The following SFMBT1 variants were observed in gnomAD, a reference collection of about 807,000 sequenced individuals.
SFMBT1 encodes the protein scm-like with four MBT domains protein 1.
In SFMBT1, 32 loss-of-function variants were observed where a neutral mutation model predicts 108.7. The observed-to-expected ratio is 0.29, with a 90% CI of 0.22 to 0.40. The LOEUF (loss-of-function observed/expected upper bound fraction) is 0.40, where lower values mean the gene tolerates loss of function less well. SFMBT1 is among the 10% of genes least tolerant of loss of function. The pLI is 1.00. For missense variants in SFMBT1, 816 were observed against 1,059.6 expected, an observed-to-expected ratio of 0.77 and a Z score of 3.19; for synonymous variants, 348 against 369.5, an observed-to-expected ratio of 0.94 and a Z score of 0.67.
chr3:53,023,136 T>C (rs1699371162), intron 1 of SFMBT1, among the ~76,000 whole-genome samples: 1 of 152,184 alleles, frequency 6.6e-6, no homozygotes, highest in African/African-American at 2.4e-5. Flanking sequence ...GACCTTTAAA[T>C]GACAGCAGGG....
At chr3:52,948,973 T>G (rs1268898601) in intron 3 of SFMBT1, among the ~76,000 whole-genome samples, 1 of 151,708 alleles carries the variant, frequency 6.6e-6, no homozygotes, top group Non-Finnish European at 1.5e-5. Flanking sequence ...TCCTTGCAAT[T>G]TTTTTTACAT....
intron 1 of SFMBT1, among the ~76,000 whole-genome samples, chr3:52,974,833 T>TAAAAAA (rs10646648): frequency 6.6e-5 from 6 of 90,712 alleles, no homozygotes; most frequent in African/African-American, 1.6e-4. Flanking sequence ...CTATAAAAAG[T>TAAAAAA]AAAAAAAAAA....
At chr3:53,017,146 C>A (rs1175833203) in intron 1 of SFMBT1, among the ~76,000 whole-genome samples, 2 of 152,092 alleles carry the variant, frequency 1.3e-5, no homozygotes, top group Admixed American at 6.5e-5. Context: ...CTAGTCCCAT[C>A]TTAAAGAAAA....
At chr3:52,934,179 G>T (rs1031002286) in intron 5 of SFMBT1, among the ~76,000 whole-genome samples, 3 of 152,070 alleles carry the variant, frequency 2.0e-5, no homozygotes, top group Non-Finnish European at 4.4e-5. Context: ...TAATAAAAAA[G>T]ATAACAAGTG....
intron 1 of SFMBT1, among the ~76,000 whole-genome samples, chr3:53,023,910 T>C (rs1699398334): frequency 6.6e-6 from 1 of 152,196 alleles, no homozygotes; most frequent in Admixed American, 6.5e-5. Flanking sequence ...GGTAGGGAGC[T>C]ATGCTATGAA....
rs750284898 is a variant in SFMBT1, at chr3:52,911,041, C to T, written c.1868G>A (p.Cys623Tyr). 2.5e-6 allele frequency: 4 copies of T among 1,614,070 alleles called. No individual in the cohort carries two copies. The highest frequency in any genetic ancestry group is 3.4e-6 in the Non-Finnish European group (4 of 1,180,032). Residue 623 changes from cysteine to tyrosine, a missense_variant, in exon 17 of 21, where the codon TGT becomes TAT. This residue lies in a region of SFMBT1 where 79 missense variants were observed against 120.8 expected (regional missense o/e 0.65). Coordinates refer to ENST00000394752, the MANE Select transcript of SFMBT1 (RefSeq NM_016329.4). ...LFGPRMVLDK[C>Y]SENCSVLTKT... ...TGTAAGTACAGAACAGTTCTCAGAA[C>T]ACTTATCCAGAACCATCCGTGGACC...
At chr3:52,918,587 A>G (rs1702426592) in intron 12 of SFMBT1, 61 bp from the exon 13 acceptor site, 2 of 1,127,576 alleles carry the variant, frequency 1.8e-6, no homozygotes, top group Admixed American at 2.4e-5. Flanking sequence ...GAAAATTCAT[A>G]TGTGTATTAA....
intron 1 of SFMBT1, among the ~76,000 whole-genome samples, chr3:52,984,639 TC>T (rs1412358210): frequency 2.0e-4 from 30 of 151,716 alleles, no homozygotes; most frequent in Admixed American, 2.0e-3. Context: ...GCATAAATAA[TC>T]TTTAAAAATT....
At chr3:52,922,422 T>C (rs1702547579) in intron 10 of SFMBT1, among the ~76,000 whole-genome samples, 1 of 152,244 alleles carries the variant, frequency 6.6e-6, no homozygotes, top group African/African-American at 2.4e-5. Context: ...TCTTCTGACA[T>C]CTAACTTAAA....
intron 1 of SFMBT1, among the ~76,000 whole-genome samples, chr3:52,972,816 A>C (rs1575411966): frequency 7.4e-6 from 1 of 134,286 alleles, no homozygotes; most frequent in African/African-American, 2.9e-5. Flanking sequence ...TGGCGGGCCA[A>C]TGTGGTAAAA....
At position 52,932,253 on chromosome 3, in the gene SFMBT1, C is replaced by T. The variant is rs144880451; in HGVS notation, c.509G>A (p.Cys170Tyr). The T allele has an allele frequency of 6.6e-5, 106 of 1,614,086 alleles. No individual in the cohort carries two copies. Among genetic ancestry groups the T allele is most frequent in the Non-Finnish European group, 8.5e-5 (100 of 1,180,020 alleles). Residue 170 changes from cysteine (C) to tyrosine (Y), a missense_variant, in exon 6 of 21, where the codon TGT becomes TAT. Cys to Tyr is a radical substitution (Grantham distance 194). Coordinates refer to ENST00000394752, the MANE Select transcript of SFMBT1 (RefSeq NM_016329.4). ...DLIAPGSRLE[C>Y]QAFQDSLSTW... ...GCTTAAAGAGTCCTGGAAAGCTTGA[C>T]ATTCTAGTCTGGATCCTGGAGCAAT... is the stretch of plus-strand genomic sequence containing the variant.
chr3:52,936,720 G>C (rs1395010885), intron 4 of SFMBT1, among the ~76,000 whole-genome samples: 1 of 152,126 alleles, frequency 6.6e-6, no homozygotes, highest in Non-Finnish European at 1.5e-5. Context: ...CATTGTCACT[G>C]GGTTAGTGTT....
chr3:52,954,929 G>A (rs1319201418), intron 2 of SFMBT1, among the ~76,000 whole-genome samples: 1 of 150,864 alleles, frequency 6.6e-6, no homozygotes, highest in African/African-American at 2.4e-5. Flanking sequence ...ATCCATAGAA[G>A]AATTCTGTAG....
At chr3:52,909,539 G>T (rs945474272) in intron 17 of SFMBT1, among the ~76,000 whole-genome samples, 1 of 152,210 alleles carries the variant, frequency 6.6e-6, no homozygotes, top group African/African-American at 2.4e-5. Context: ...GAACTTGTTG[G>T]AAATGCAGAT....
intron 1 of SFMBT1, among the ~76,000 whole-genome samples, chr3:53,042,622 C>T (rs1700093892): frequency 6.6e-6 from 1 of 152,152 alleles, no homozygotes; most frequent in African/African-American, 2.4e-5. Context: ...GGATTATAGG[C>T]GTGAGCCACT....
intron 1 of SFMBT1, among the ~76,000 whole-genome samples, chr3:53,029,814 T>C (rs1450776312): frequency 6.6e-6 from 1 of 151,806 alleles, no homozygotes; most frequent in African/African-American, 2.4e-5. Context: ...GTGGGGAGAA[T>C]GGGGGTGGTA....
chr3:52,969,794 A>T (rs1704275254), intron 1 of SFMBT1, among the ~76,000 whole-genome samples: 1 of 152,196 alleles, frequency 6.6e-6, no homozygotes, highest in African/African-American at 2.4e-5. Context: ...GAACCTGCTT[A>T]TTCTTTTTTT....
chr3:53,001,833 G>A (rs1698559428), intron 1 of SFMBT1, among the ~76,000 whole-genome samples: 1 of 147,620 alleles, frequency 6.8e-6, no homozygotes, highest in African/African-American at 2.5e-5. Context: ...GGCTGAGGCT[G>A]GAGGATATGT....
At chr3:52,986,261 G>C (rs1704912543) in intron 1 of SFMBT1, among the ~76,000 whole-genome samples, 1 of 152,104 alleles carries the variant, frequency 6.6e-6, no homozygotes, top group Non-Finnish European at 1.5e-5. Flanking sequence ...GAGTGAATGT[G>C]AAGGCCTGGG....
Sources: gnomAD v4.1 joint callset for allele counts (sites outside exome capture counted in the v4.1 genomes callset) on GRCh38, gnomAD v4.1.1 for gene constraint, gnomAD v4.1.1 regional missense constraint, MANE v1.5 for transcripts, NCBI Gene and HGNC (gene_info 2026-07-23, HGNC 2026-07-21) for gene names.